The following PDE4B variants were observed in gnomAD, a reference collection of about 807,000 sequenced individuals.
PDE4B encodes 3',5'-cyclic-AMP phosphodiesterase 4B.
PDE4B carries 20 observed loss-of-function variants against 82.2 expected under a neutral mutation model. That is an observed-to-expected ratio of 0.24 (90% CI 0.17 to 0.35). The LOEUF is 0.35. Ranked by LOEUF, PDE4B falls within the 10% of genes least tolerant of loss-of-function variation. The pLI, the probability that PDE4B is intolerant of heterozygous loss-of-function variation, is 1.00. For missense variants in PDE4B, 655 were observed against 907.2 expected (o/e 0.72, Z 3.57); for synonymous variants, 320 against 318.9 (o/e 1.00, Z -0.04).
At chr1:66,153,426 A>G (rs1646441745) in intron 3 of PDE4B, among the ~76,000 whole-genome samples, 1 of 152,164 alleles carries the variant, frequency 6.6e-6, no homozygotes, top group Non-Finnish European at 1.5e-5. Context: ...TTGTAAATGT[A>G]TTCATGGCAA....
chr1:65,981,423 C>T (rs1246891907), intron 3 of PDE4B, among the ~76,000 whole-genome samples: 1 of 151,920 alleles, frequency 6.6e-6, no homozygotes, highest in African/African-American at 2.4e-5. Flanking sequence ...TTTGTGTTGT[C>T]CTGAAATATG....
intron 3 of PDE4B, among the ~76,000 whole-genome samples, chr1:65,924,394 A>C (rs998036312): frequency 4.6e-4 from 69 of 151,336 alleles, no homozygotes; most frequent in Admixed American, 1.3e-4. Context: ...TTTTCAAACT[A>C]TGTCTCATTT....
At chr1:65,987,668 AAT>A (rs1314808457) in intron 3 of PDE4B, among the ~76,000 whole-genome samples, 1 of 152,082 alleles carries the variant, frequency 6.6e-6, no homozygotes, top group African/African-American at 2.4e-5. Context: ...GCTGGAGTGC[AAT>A]GGCACAATCT....
At chr1:65,871,467 A>G (rs1289474092) in intron 1 of PDE4B, among the ~76,000 whole-genome samples, 1 of 152,222 alleles carries the variant, frequency 6.6e-6, no homozygotes, top group Non-Finnish European at 1.5e-5. Flanking sequence ...AGCTTATTCA[A>G]CTTCTCGAAG....
At chr1:66,183,284 A>G (rs755073305) in intron 3 of PDE4B, among the ~76,000 whole-genome samples, 2 of 152,178 alleles carry the variant, frequency 1.3e-5, no homozygotes, top group Non-Finnish European at 2.9e-5. Flanking sequence ...TATCAGCTTA[A>G]TACATTAAAT....
intron 3 of PDE4B, among the ~76,000 whole-genome samples, chr1:66,106,990 T>C (rs1206551416): frequency 1.3e-5 from 2 of 149,296 alleles, no homozygotes; most frequent in African/African-American, 2.4e-5. Context: ...GCTTTGAATG[T>C]GTTTGCTCTT....
intron 3 of PDE4B, among the ~76,000 whole-genome samples, chr1:66,144,962 C>T (rs1646240926): frequency 6.6e-6 from 1 of 152,208 alleles, no homozygotes; most frequent in Non-Finnish European, 1.5e-5. Context: ...ACCACTGCAT[C>T]CCATCAAAAT....
intron 3 of PDE4B, among the ~76,000 whole-genome samples, chr1:66,056,536 T>TATCTATCTATC (rs1557529453): frequency 4.9e-5 from 3 of 60,810 alleles, no homozygotes; most frequent in South Asian, 8.4e-4. Flanking sequence ...ATCTATCATC[T>TATCTATCTATC]ATCTATCTAT....
At chr1:66,295,763 A>G (rs1657467720) in intron 7 of PDE4B, among the ~76,000 whole-genome samples, 1 of 152,090 alleles carries the variant, frequency 6.6e-6, no homozygotes, top group Admixed American at 6.6e-5. Context: ...GCTGGCAAAG[A>G]CCTATTAAAA....
intron 8 of PDE4B, chr1:66,355,183 T>A (rs1356226367): frequency 2.7e-6 from 1 of 366,286 alleles, no homozygotes; most frequent in East Asian, 4.4e-5. Flanking sequence ...CCAAATAGGT[T>A]ATTAAATTAT....
At chr1:66,333,841 C>T (rs184918084) in intron 8 of PDE4B, among the ~76,000 whole-genome samples, 2 of 152,012 alleles carry the variant, frequency 1.3e-5, no homozygotes, top group East Asian at 3.9e-4. Context: ...AAAAATAAGT[C>T]CCTTTCTAAA....
At chr1:66,071,474 G>A (rs1193811034) in intron 3 of PDE4B, among the ~76,000 whole-genome samples, 1 of 151,944 alleles carries the variant, frequency 6.6e-6, no homozygotes, top group Non-Finnish European at 1.5e-5. Context: ...GAGTACTTTG[G>A]GAATATATTC....
At chr1:65,977,840 T>C (rs540590730) in intron 3 of PDE4B, among the ~76,000 whole-genome samples, 1 of 152,260 alleles carries the variant, frequency 6.6e-6, no homozygotes, top group East Asian at 1.9e-4. Context: ...AGCAGGTAAC[T>C]GTGTATAAAA....
intron 3 of PDE4B, among the ~76,000 whole-genome samples, chr1:66,085,411 T>C (rs1449368216): frequency 1.3e-5 from 2 of 152,174 alleles, no homozygotes; most frequent in Non-Finnish European, 2.9e-5. Context: ...TGAAATGGCT[T>C]GGAAGAAGTC....
chr1:66,021,574 A>C (rs1653117290), intron 3 of PDE4B, among the ~76,000 whole-genome samples: 1 of 152,334 alleles, frequency 6.6e-6, no homozygotes, highest in South Asian at 2.1e-4. Flanking sequence ...TAAATAGGGA[A>C]TCCTTTCCCC....
intron 3 of PDE4B, among the ~76,000 whole-genome samples, chr1:66,240,691 C>G (rs1045151358): frequency 6.6e-6 from 1 of 152,246 alleles, no homozygotes; most frequent in African/African-American, 2.4e-5. Flanking sequence ...AGGCGGAGAA[C>G]AGTGCCTTGT....
intron 3 of PDE4B, among the ~76,000 whole-genome samples, chr1:65,920,767 C>T (rs184198716): frequency 3.7e-4 from 56 of 151,658 alleles, no homozygotes; most frequent in Non-Finnish European, 5.3e-4. Flanking sequence ...TCATTCTTGG[C>T]GTCAGTATTT....
chr1:66,092,762 GA>G (rs1056327252), intron 3 of PDE4B, among the ~76,000 whole-genome samples: 14 of 151,930 alleles, frequency 9.2e-5, no homozygotes, highest in African/African-American at 3.4e-4. Context: ...ATAACTGGGA[GA>G]AAGTTGGGTG....
chr1:66,226,144 TA>T (rs1474465292), intron 3 of PDE4B, among the ~76,000 whole-genome samples: 1 of 152,222 alleles, frequency 6.6e-6, no homozygotes, highest in African/African-American at 2.4e-5. Flanking sequence ...CTTAATTTTT[TA>T]AAGCTGAGCA....
Sources: gnomAD v4.1 joint callset for allele counts (sites outside exome capture counted in the v4.1 genomes callset) on GRCh38, gnomAD v4.1.1 for gene constraint, MANE v1.5 for transcripts, NCBI Gene and HGNC (gene_info 2026-07-23, HGNC 2026-07-21) for gene names.